CHM: variants seen among roughly 807,000 people sequenced by gnomAD.
CHM encodes rab proteins geranylgeranyltransferase component A 1.
CHM carries 10 observed loss-of-function variants against 49.0 expected under a neutral mutation model. The ratio of observed to expected loss-of-function variants is 0.20; its 90% CI spans 0.13 to 0.35. The LOEUF (loss-of-function observed/expected upper bound fraction) is 0.35. Ranked by LOEUF, CHM falls within the 10% of genes least tolerant of loss-of-function variation. CHM has a pLI of 1.00. For missense variants in CHM, 455 were observed against 478.4 expected, an observed-to-expected ratio of 0.95 and a Z score of 0.46; for synonymous variants, 184 against 167.5, an observed-to-expected ratio of 1.10 and a Z score of -0.76.
chrX:85,973,072 G>A (rs1281603623), intron 4 of CHM, among the ~76,000 whole-genome samples: 3 of 109,971 alleles, frequency 2.7e-5, no homozygotes, highest in African/African-American at 9.9e-5. Context: ...AGGCCAAGAC[G>A]TGCAGATCAT....
chrX:85,934,567 G>C (rs6623541), intron 8 of CHM, among the ~76,000 whole-genome samples: 1 of 108,274 alleles, frequency 9.2e-6, no homozygotes, highest in Admixed American at 1.0e-4. Flanking sequence ...AGTTTGCTCA[G>C]AATGATGGTT....
chrX:86,021,945 T>C (rs1335965021), intron 2 of CHM, among the ~76,000 whole-genome samples: 1 of 112,081 alleles, frequency 8.9e-6, no homozygotes. Context: ...TAGTGCTGCA[T>C]AAGTACACTT....
At chrX:85,939,279 TA>T (rs1210886150) in intron 8 of CHM, among the ~76,000 whole-genome samples, 2 of 112,501 alleles carry the variant, frequency 1.8e-5, no homozygotes, top group African/African-American at 6.5e-5. Flanking sequence ...ATGTGTGGAC[TA>T]AAAAATGTAG....
intron 13 of CHM, among the ~76,000 whole-genome samples, chrX:85,878,624 A>G (rs761774553): frequency 8.9e-6 from 1 of 112,150 alleles, no homozygotes; most frequent in African/African-American, 3.2e-5. Context: ...CACTTGTAAA[A>G]TAAAGAAAAT....
At chrX:85,986,935 C>T (rs1488548074) in intron 2 of CHM, among the ~76,000 whole-genome samples, 1 of 108,273 alleles carries the variant, frequency 9.2e-6, no homozygotes, top group Admixed American at 9.9e-5. Context: ...TAAAATAATA[C>T]AAGAGCTGAA....
chrX:85,930,459 C>T (rs766829257), intron 8 of CHM, among the ~76,000 whole-genome samples: 57 of 112,294 alleles, frequency 5.1e-4, no homozygotes, highest in African/African-American at 1.8e-3. Flanking sequence ...ATTTCTTTTA[C>T]AGTTTTGTTT....
chrX:85,906,571 C>G (rs1158545067), intron 9 of CHM, among the ~76,000 whole-genome samples: 2 of 111,672 alleles, frequency 1.8e-5, no homozygotes, highest in African/African-American at 6.5e-5. Flanking sequence ...AAGTCAGGAT[C>G]CAAATCCAAT....
intron 9 of CHM, among the ~76,000 whole-genome samples, chrX:85,907,269 A>G (rs1926656305): frequency 8.9e-6 from 1 of 112,645 alleles, no homozygotes; most frequent in Non-Finnish European, 1.9e-5. Flanking sequence ...CAGGTGAAGT[A>G]CACAGGAAAC....
chrX:85,895,024 A>T (rs1409835321), intron 11 of CHM, among the ~76,000 whole-genome samples: 1 of 111,447 alleles, frequency 9.0e-6, no homozygotes, highest in Non-Finnish European at 1.9e-5. Flanking sequence ...ATGTAAAATT[A>T]TTCTTAAGTA....
chrX:86,029,779 T>C lies in CHM; in HGVS notation c.50-2222A>G, dbSNP rs755896623. ...ATCAGACAGACTTAGACTTGAATCT[T>C]GGTTTTGCTACTCACCTAGCTGCAC... On this transcript the variant is annotated intron_variant, in intron 1 of 14. Transcript: ENST00000357749. Among the ~76,000 whole-genome samples, 150 of 111,253 alleles carry C rather than the reference T, an allele frequency of 1.3e-3. 1 individual carries two copies. Among genetic ancestry groups the C allele is most frequent in the African/African-American group, 4.1e-3 (125 of 30,683 alleles).
chrX:85,995,670 T>A (rs1298863359), intron 2 of CHM, among the ~76,000 whole-genome samples: 2 of 112,424 alleles, frequency 1.8e-5, no homozygotes, highest in Non-Finnish European at 3.8e-5. Flanking sequence ...AAATCATACT[T>A]ATTTTAGAGA....
At chrX:85,877,745 A>AG (rs1924503463) in intron 13 of CHM, among the ~76,000 whole-genome samples, 2 of 110,949 alleles carry the variant, frequency 1.8e-5, no homozygotes, top group African/African-American at 6.6e-5. Context: ...AAAATTAAAA[A>AG]AAAAATTAAA....
chrX:85,972,979 T>C (rs1191205071), intron 4 of CHM, among the ~76,000 whole-genome samples: 1 of 111,248 alleles, frequency 9.0e-6, no homozygotes, highest in Non-Finnish European at 1.9e-5. Flanking sequence ...TCTTCCTTAA[T>C]GTTAAATAAT....
chrX:85,883,011 C>T (rs1033179061), intron 12 of CHM, among the ~76,000 whole-genome samples: 4 of 111,251 alleles, frequency 3.6e-5, no homozygotes, highest in Admixed American at 9.6e-5. Flanking sequence ...CTCAAATTTA[C>T]GAAGCTAATT....
At chrX:86,024,518 T>C (rs960253826) in intron 2 of CHM, among the ~76,000 whole-genome samples, 5 of 112,136 alleles carry the variant, frequency 4.5e-5, no homozygotes, top group Non-Finnish European at 7.5e-5. Flanking sequence ...AAGGATTTCA[T>C]GCAGCAGAGT....
intron 14 of CHM, among the ~76,000 whole-genome samples, chrX:85,872,715 A>T (rs1340291173): frequency 8.9e-6 from 1 of 112,294 alleles, no homozygotes; most frequent in East Asian, 2.8e-4. Flanking sequence ...GCAATCGTCC[A>T]ACTGTTTAAG....
chrX:85,862,402 C>G lies in CHM; in HGVS notation c.*2228G>C, dbSNP rs957353232. On this transcript the variant is annotated 3_prime_UTR_variant, in exon 15 of 15. Coordinates refer to ENST00000357749, the MANE Select transcript of CHM (RefSeq NM_000390.4). Reference sequence around the variant, plus strand: ...TTGTATTCAGACTCAATCGTCTCATCTACTGGAACCTTTTATAATATATTG... The same window carrying G: ...TTGTATTCAGACTCAATCGTCTCATGTACTGGAACCTTTTATAATATATTG... The G allele has an allele frequency of 4.4e-5, 5 of 112,579 alleles. No homozygotes were observed. Among genetic ancestry groups the G allele is most frequent in the Non-Finnish European group, 9.4e-5 (5 of 53,308 alleles). 9.3% of individuals were successfully genotyped at this position (112,579 alleles called of 1,213,427 possible). A position where few individuals can be genotyped will look rare whatever the true frequency, so the allele number is the denominator to read the frequency against.
At chrX:86,008,633 C>A (rs73506471) in intron 2 of CHM, among the ~76,000 whole-genome samples, 4,436 of 111,284 alleles carry the variant, frequency 0.04, 230 homozygotes, top group African/African-American at 0.14. Context: ...GTTAAATATA[C>A]AATATATGCG....
At chrX:86,018,210 TAGAAAACAGTCAAAATACATTA>T (rs1933389305) in intron 2 of CHM, among the ~76,000 whole-genome samples, 1 of 112,240 alleles carries the variant, frequency 8.9e-6, no homozygotes, top group Admixed American at 9.5e-5. Flanking sequence ...ACAATCCAAT[TAGAAAACAGTCAAAATACATTA>T]AGACATTTTA....
Sources: gnomAD v4.1 joint callset for allele counts (sites outside exome capture counted in the v4.1 genomes callset) on GRCh38, gnomAD v4.1.1 for gene constraint, MANE v1.5 for transcripts, NCBI Gene and HGNC (gene_info 2026-07-23, HGNC 2026-07-21) for gene names.